Variants in SART1 observed in about 807,000 individuals in gnomAD.
SART1 encodes spliceosome associated factor 1, recruiter of U4/U6.U5 tri-snRNP.
Under a neutral mutation model 105.0 loss-of-function variants are expected in SART1, and 28 were observed. That is an observed-to-expected ratio of 0.27 (90% CI 0.20 to 0.37). The LOEUF (loss-of-function observed/expected upper bound fraction) is 0.37, where lower values mean the gene tolerates loss of function less well. SART1 is among the 10% of genes least tolerant of loss of function. SART1 has a pLI of 1.00. For synonymous variants in SART1, 472 were observed against 462.9 expected, an observed-to-expected ratio of 1.02 and a Z score of -0.25; for missense variants, 894 against 1,106.5, an observed-to-expected ratio of 0.81 and a Z score of 2.72.
In SART1 at chr11:65,976,634, A is replaced by T; in HGVS notation, c.1747-22A>T. The stretch of plus-strand genomic sequence containing the variant: ...GGTGGGCTGGCTGGGGCCTGGGCCG[A>T]CCCTGGTCTTTTGTGCCCCAGGACT... On this transcript the variant is annotated intron_variant, in intron 13 of 19. Coordinates refer to ENST00000312397, the MANE Select transcript of SART1 (RefSeq NM_005146.5). This position sits in a 1 kb window ranked among gnomAD's most constrained non-coding sequence, Gnocchi z 5.1. 1 of 1,613,126 alleles carries T rather than the reference A, an allele frequency of 6.2e-7. No homozygotes were observed.
chr11:65,967,226 C>T (rs371331961), intron 9 of SART1, 33 bp from the exon 10 acceptor site: 13 of 1,607,832 alleles, frequency 8.1e-6, no homozygotes, highest in Non-Finnish European at 9.3e-6. Context: ...TTTCTGTGGC[C>T]CCCGCTCCAT....
chr11:65,972,811 C>T (rs1007481295), intron 12 of SART1, among the ~76,000 whole-genome samples: 1 of 151,170 alleles, frequency 6.6e-6, no homozygotes, highest in African/African-American at 2.4e-5. Context: ...CCAAGAAACC[C>T]ACAGGTTCCA....
At chr11:65,974,198 TA>T (rs1168176073) in intron 12 of SART1, among the ~76,000 whole-genome samples, 38,612 of 69,178 alleles carry the variant, frequency 0.56, 10,113 homozygotes, top group South Asian at 0.71. Context: ...CCCTCTCTAC[TA>T]AAAAAAAAAA....
At chr11:65,962,552 T>G in intron 1 of SART1, among the ~76,000 whole-genome samples, 1 of 149,236 alleles carries the variant, frequency 6.7e-6, no homozygotes, top group South Asian at 2.1e-4. Flanking sequence ...AATGAGGGAG[T>G]AAGATAGACA....
intron 1 of SART1, 158 bp from the exon 2 acceptor site, chr11:65,963,916 G>A: frequency 3.1e-6 from 2 of 641,584 alleles, no homozygotes; most frequent in Non-Finnish European, 5.5e-6. Context: ...CAGAGGAGCT[G>A]CTGGGGAGCT....
At chr11:65,966,010 G>C in intron 7 of SART1, 24 bp downstream of exon 7, 1 of 1,613,904 alleles carries the variant, frequency 6.2e-7, no homozygotes, top group Non-Finnish European at 8.5e-7. Context: ...GGTGCCCTGG[G>C]TGGGGGCACA....
At chr11:65,972,976 C>G (rs2134916453) in intron 12 of SART1, among the ~76,000 whole-genome samples, 1 of 152,236 alleles carries the variant, frequency 6.6e-6, no homozygotes, top group East Asian at 1.9e-4. Flanking sequence ...TGAGACCATC[C>G]TGGTCAACAC....
Position 65,961,769 on chromosome 11 carries a change from G to A in SART1, c.-12G>A. On this transcript the variant is annotated 5_prime_UTR_variant, in exon 1 of 20. Coordinates refer to ENST00000312397, the MANE Select transcript of SART1 (RefSeq NM_005146.5). ...GCTCGGCGGCAGCCGGGCTCGGAGT[G>A]GACGTGCCACTATGGGGTCGTCCAA... 1 of 1,499,660 alleles carries A rather than the reference G, an allele frequency of 6.7e-7. No individual in the cohort carries two copies. The highest frequency in any genetic ancestry group is 8.8e-7 in the Non-Finnish European group (1 of 1,132,032). The allele number at this position is 1,499,660 out of a possible 1,614,324, so 92.9% of individuals were successfully genotyped here.
chr11:65,975,866 G>A (rs906003393), intron 12 of SART1, among the ~76,000 whole-genome samples: 1 of 152,100 alleles, frequency 6.6e-6, no homozygotes, highest in African/African-American at 2.4e-5. Context: ...GCTGGTGCCC[G>A]TGTGGGGGTC....
At chr11:65,962,856 C>T (rs1212650714) in intron 1 of SART1, among the ~76,000 whole-genome samples, 3 of 152,094 alleles carry the variant, frequency 2.0e-5, no homozygotes, top group South Asian at 4.1e-4. Context: ...GAACAGAACT[C>T]AGCACTTGTA....
rs761112002 is a variant in SART1, at chr11:65,964,539, G to C, written c.396G>C (p.Leu132=). The change falls in exon 3 of 20, where the codon CTG becomes CTC. Residue 132 remains leucine, a synonymous_variant. Coordinates refer to ENST00000312397, the MANE Select transcript of SART1 (RefSeq NM_005146.5). The part of the protein sequence containing the change: ...ETNKLRAKLG[L]KPLEVNAIKK... ...GCAAACTCCGGGCAAAGTTGGGGCT[G>C]AAACCCTTGGAGGTTAATGCCATCA... 5.0e-6 allele frequency: 8 copies of C among 1,612,798 alleles called. No individual in the cohort carries two copies. The African/African-American group carries it at 1.1e-4, about 22-fold the overall frequency.
At position 65,967,703 on chromosome 11, in the gene SART1, G is replaced by A. The variant is rs660118; in HGVS notation, c.1454G>A (p.Gly485Glu). Residue 485 changes from glycine to glutamate, a missense_variant, in exon 12 of 20, where the codon GGG (glycine) becomes GAG (glutamate). This residue lies in a region of SART1 where 712 missense variants were observed against 778.2 expected (regional missense o/e 0.91). Transcript: ENST00000312397. ...GAGGAAGGTGGAGCTCCACCGCCGG[G>A]GTCCCCGCAGGTGCTGGAGGAGGAC... ...DEEEGGAPPP[G>E]SPQVLEEDEA... 1.3e-6 allele frequency: 2 copies of A among 1,562,048 alleles called. No homozygotes were observed. Among genetic ancestry groups the A allele is most frequent in the Non-Finnish European group, 1.7e-6 (2 of 1,152,860 alleles).
intron 17 of SART1, 82 bp downstream of exon 17, chr11:65,977,981 C>T (rs1855518913): frequency 3.4e-6 from 5 of 1,457,584 alleles, no homozygotes; most frequent in Non-Finnish European, 4.7e-6. Context: ...CCGGGCCATG[C>T]AATGCCCCAG....
At chr11:65,964,902 A>G (rs1480279818) in intron 3 of SART1, 190 bp from the exon 4 acceptor site, 2 of 696,680 alleles carry the variant, frequency 2.9e-6, no homozygotes, top group Non-Finnish European at 4.5e-6. Flanking sequence ...GAAGCCACAG[A>G]GGGTCCTGTT....
In SART1 at chr11:65,964,551, G is replaced by A. The variant is rs759805665; in HGVS notation, c.408G>A (p.Glu136=). The A allele has an allele frequency of 4.3e-6, 7 of 1,611,698 alleles. No individual in the cohort carries two copies. The highest frequency in any genetic ancestry group is 5.9e-6 in the Non-Finnish European group (7 of 1,179,382). Reference sequence around the variant, plus strand: ...CAAAGTTGGGGCTGAAACCCTTGGAGGTTAATGCCATCAAGAAGGGTGAGT... The same window carrying A: ...CAAAGTTGGGGCTGAAACCCTTGGAAGTTAATGCCATCAAGAAGGGTGAGT... ...LRAKLGLKPL[E]VNAIKKEAGT... is the part of the protein sequence containing the mutation. The change falls in exon 3 of 20, where the codon GAG becomes GAA. Residue 136 remains glutamate (E), a synonymous_variant. Coordinates refer to ENST00000312397, the MANE Select transcript of SART1 (RefSeq NM_005146.5).
chr11:65,977,911 CT>C lies in SART1; in HGVS notation c.2172+16del. On this transcript the variant is annotated intron_variant, in intron 17 of 19. Transcript: ENST00000312397. ...TCACACCCAAGGAGGTGAGCAGGGCCTTTTGCAGGCGGAGGCCCGGCCTGCC... is the reference window on the plus strand; with the variant it reads ...TCACACCCAAGGAGGTGAGCAGGGCCTTTGCAGGCGGAGGCCCGGCCTGCC... The C allele has an allele frequency of 1.3e-6, 2 of 1,586,992 alleles. No homozygotes were observed. The highest frequency in any genetic ancestry group is 1.7e-6 in the Non-Finnish European group (2 of 1,168,992).
At chr11:65,974,082 G>A (rs1411451345) in intron 12 of SART1, among the ~76,000 whole-genome samples, 3 of 151,440 alleles carry the variant, frequency 2.0e-5, no homozygotes, top group Admixed American at 6.6e-5. Flanking sequence ...TATATCAGCC[G>A]CTGGGTGCGG....
chr11:65,968,104 C>G (rs554865168), intron 12 of SART1, among the ~76,000 whole-genome samples: 238 of 152,242 alleles, frequency 1.6e-3, no homozygotes, highest in Middle Eastern at 3.4e-3. Context: ...CGCACGCCAC[C>G]AGACCCGGCT....
At chr11:65,962,280 G>C (rs1855161772) in intron 1 of SART1, among the ~76,000 whole-genome samples, 187 bp downstream of exon 1, 1 of 152,216 alleles carries the variant, frequency 6.6e-6, no homozygotes, top group South Asian at 2.1e-4. Context: ...AGTGAGCTGC[G>C]GTCCCGCCAG....
Sources: gnomAD v4.1 joint callset for allele counts (sites outside exome capture counted in the v4.1 genomes callset) on GRCh38, gnomAD v4.1.1 for gene constraint, gnomAD v4.1.1 regional missense constraint, Gnocchi (gnomAD v3.1) non-coding constraint, MANE v1.5 for transcripts, NCBI Gene and HGNC (gene_info 2026-07-23, HGNC 2026-07-21) for gene names.